The following PAPSS1 variants were observed in gnomAD, a reference collection of about 807,000 sequenced individuals.
PAPSS1 encodes the protein 3'-phosphoadenosine 5'-phosphosulfate synthase 1.
In PAPSS1, 50 loss-of-function variants were observed where a neutral mutation model predicts 72.0. The ratio of observed to expected loss-of-function variants is 0.69; its 90% confidence interval spans 0.55 to 0.88. The LOEUF is 0.88. Among genes scored for constraint, PAPSS1 ranks in the 40% least tolerant of loss-of-function variants. The pLI is 0.00. For synonymous variants in PAPSS1, 261 were observed against 263.6 expected, an observed-to-expected ratio of 0.99 and a Z score of 0.09; for missense variants, 657 against 782.2, an observed-to-expected ratio of 0.84 and a Z score of 1.91.
chr4:107,630,784 T>C (rs1025174997), intron 11 of PAPSS1, among the ~76,000 whole-genome samples: 2 of 152,180 alleles, frequency 1.3e-5, no homozygotes, highest in Admixed American at 1.3e-4. Context: ...TGTGACCTTA[T>C]ACAAGCTACT....
At chr4:107,638,087 C>T (rs1726435839) in intron 10 of PAPSS1, among the ~76,000 whole-genome samples, 2 of 152,184 alleles carry the variant, frequency 1.3e-5, no homozygotes, top group Non-Finnish European at 2.9e-5. Context: ...ATTCCTGATA[C>T]TGTGGCTTTT....
Position 107,654,737 on chromosome 4 carries a change from G to A in PAPSS1, c.1059C>T (p.Ala353=). 1 of 1,613,586 alleles carries A rather than the reference G, an allele frequency of 6.2e-7. No individual in the cohort carries two copies. Among genetic ancestry groups the A allele is most frequent in the Non-Finnish European group, 8.5e-7 (1 of 1,179,842 alleles). The change falls in exon 8 of 12, where the codon GCC becomes GCT. Residue 353 remains alanine, a synonymous_variant. Coordinates refer to ENST00000265174, the MANE Select transcript of PAPSS1 (RefSeq NM_005443.5). The stretch of plus-strand genomic sequence containing the variant: ...TCTTGCATGTCGTTCCCCACTGTCT[G>A]GCACAGCGCTCCTCTTTCCTGTGCT... ...FFEHRKEERC[A]RQWGTTCKNH...
chr4:107,673,312 A>AT (rs1727546617), intron 5 of PAPSS1, among the ~76,000 whole-genome samples: 1 of 152,036 alleles, frequency 6.6e-6, no homozygotes. Flanking sequence ...AAAAACCTTG[A>AT]AAAAAAATTA....
At chr4:107,683,243 C>T (rs561717765) in intron 4 of PAPSS1, among the ~76,000 whole-genome samples, 2 of 152,048 alleles carry the variant, frequency 1.3e-5, no homozygotes, top group Non-Finnish European at 2.9e-5. Context: ...ACCTACAGCC[C>T]ATTTATTTCA....
chr4:107,642,278 A>G (rs1347228006), intron 10 of PAPSS1, among the ~76,000 whole-genome samples: 3 of 152,122 alleles, frequency 2.0e-5, no homozygotes, highest in Non-Finnish European at 4.4e-5. Flanking sequence ...ACGTTATATA[A>G]TATTAAAAAT....
Position 107,720,221 on chromosome 4 carries a change from G to C in PAPSS1, c.-42C>G, listed in dbSNP as rs775256816. The C allele has an allele frequency of 1.3e-6, 2 of 1,582,278 alleles. No homozygotes were observed. The highest frequency in any genetic ancestry group is 8.6e-7 in the Non-Finnish European group (1 of 1,165,802). On this transcript the variant is annotated 5_prime_UTR_variant, in exon 1 of 12. Transcript: ENST00000265174. The stretch of plus-strand genomic sequence containing the variant: ...GAGCAGCCGGGGTTCTCTGCGCCGG[G>C]AGGGTAGCAAGAGGAGGGCAGGCCA...
intron 10 of PAPSS1, among the ~76,000 whole-genome samples, chr4:107,643,029 C>T (rs1459555729): frequency 6.6e-6 from 1 of 152,184 alleles, no homozygotes; most frequent in Admixed American, 6.5e-5. Flanking sequence ...AGTGCCCAAA[C>T]ATCCATCAAC....
chr4:107,653,663 G>A, intron 8 of PAPSS1, 37 bp from the exon 9 acceptor site: 2 of 1,583,882 alleles, frequency 1.3e-6, no homozygotes, highest in African/African-American at 1.3e-5. Flanking sequence ...TGGAAACCGA[G>A]ATCAAAATAA....
At chr4:107,699,861 C>T (rs1194427762) in intron 2 of PAPSS1, among the ~76,000 whole-genome samples, 2 of 152,088 alleles carry the variant, frequency 1.3e-5, no homozygotes, top group Non-Finnish European at 2.9e-5. Context: ...CATAAAACCT[C>T]CAGGAGTTCA....
intron 9 of PAPSS1, among the ~76,000 whole-genome samples, chr4:107,652,188 A>C (rs913218140): frequency 1.3e-5 from 2 of 152,212 alleles, no homozygotes; most frequent in Non-Finnish European, 2.9e-5. Context: ...TGATTTCTAC[A>C]CAGAAAATAT....
chr4:107,720,234 G>A lies in PAPSS1; in HGVS notation c.-55C>T, dbSNP rs373452217. On this transcript the variant is annotated 5_prime_UTR_variant, in exon 1 of 12. Transcript: ENST00000265174. ...TCTCTGCGCCGGGAGGGTAGCAAGAGGAGGGCAGGCCAGCGAGCGGGGCGG... is the reference window on the plus strand; with the variant it reads ...TCTCTGCGCCGGGAGGGTAGCAAGAAGAGGGCAGGCCAGCGAGCGGGGCGG... The A allele has an allele frequency of 7.1e-6, 11 of 1,556,718 alleles. No homozygotes were observed. Among genetic ancestry groups the A allele is most frequent in the Non-Finnish European group, 3.5e-6 (4 of 1,146,906 alleles).
At chr4:107,614,514 G>A in intron 11 of PAPSS1, 127 bp from the exon 12 acceptor site, 3 of 626,596 alleles carry the variant, frequency 4.8e-6, no homozygotes, top group Non-Finnish European at 7.8e-6. Flanking sequence ...TAGTACTTGT[G>A]AATATAAATC....
At chr4:107,716,535 AG>A (rs1723643241) in intron 1 of PAPSS1, among the ~76,000 whole-genome samples, 1 of 152,244 alleles carries the variant, frequency 6.6e-6, no homozygotes, top group South Asian at 2.1e-4. Flanking sequence ...CAGGTCCAAC[AG>A]GGTTTCAGCC....
At chr4:107,669,649 AT>A (rs752860230) in intron 5 of PAPSS1, among the ~76,000 whole-genome samples, 1 of 152,236 alleles carries the variant, frequency 6.6e-6, no homozygotes, top group Non-Finnish European at 1.5e-5. Flanking sequence ...GCGTGCTTTC[AT>A]TGGGAAGTGA....
intron 5 of PAPSS1, among the ~76,000 whole-genome samples, chr4:107,674,264 T>A (rs1446390531): frequency 6.6e-6 from 1 of 152,086 alleles, no homozygotes; most frequent in Non-Finnish European, 1.5e-5. Flanking sequence ...TCAAGACCCA[T>A]CAGTGTGCTG....
chr4:107,666,173 C>T (rs1727312429), intron 5 of PAPSS1, among the ~76,000 whole-genome samples: 1 of 152,170 alleles, frequency 6.6e-6, no homozygotes, highest in African/African-American at 2.4e-5. Flanking sequence ...AGCACTAAAC[C>T]ACCATTTCTT....
chr4:107,620,124 G>A (rs1469149366), intron 11 of PAPSS1, among the ~76,000 whole-genome samples: 5 of 152,194 alleles, frequency 3.3e-5, no homozygotes, highest in Non-Finnish European at 7.3e-5. Context: ...TATATCTTTT[G>A]AAGGTTCATA....
chr4:107,708,636 C>G (rs985811848), intron 1 of PAPSS1, among the ~76,000 whole-genome samples: 22 of 152,158 alleles, frequency 1.4e-4, no homozygotes, highest in African/African-American at 5.3e-4. Context: ...AGAAAAAATA[C>G]AGACAGGGTA....
intron 10 of PAPSS1, among the ~76,000 whole-genome samples, chr4:107,635,465 C>T (rs938104369): frequency 1.3e-5 from 2 of 152,018 alleles, no homozygotes; most frequent in Admixed American, 6.6e-5. Context: ...ATCAACAAAG[C>T]CAAGAAGATG....
Sources: allele counts gnomAD v4.1 joint callset (sites outside exome capture counted in the v4.1 genomes callset), GRCh38; gene constraint gnomAD v4.1.1; transcripts MANE v1.5; gene names NCBI Gene and HGNC (gene_info 2026-07-23, HGNC 2026-07-21).